Variants in AP1M1 observed in about 807,000 individuals in gnomAD.
The protein encoded by AP1M1 is AP-1 complex subunit mu-1.
A neutral mutation model predicts 57.1 loss-of-function variants in AP1M1; 18 were observed. The ratio of observed to expected loss-of-function variants is 0.32; its 90% CI spans 0.22 to 0.47. The LOEUF is 0.47. Among genes scored for constraint, AP1M1 ranks in the 20% least tolerant of loss-of-function variants. The probability of loss-of-function intolerance (pLI) is 1.00; values close to 1 mark genes in which losing one functional copy is unlikely to be tolerated. For missense variants in AP1M1, 362 were observed against 593.5 expected, an observed-to-expected ratio of 0.61 and a Z score of 4.05; for synonymous variants, 241 against 237.9, an observed-to-expected ratio of 1.01 and a Z score of -0.12.
chr19:16,234,414 TTACCAGCTCCGGACC>T lies in AP1M1; in HGVS notation c.1252_1266del (p.Tyr418_Thr422del). ...TGACGCCTCCCTCCTGTCTCCTAGA[TTACCAGCTCCGGACC>T]CAGTGAGGGGCTGTCGCAGCCAACA... On this transcript the variant is annotated inframe_deletion and splice_region_variant, in exon 12 of 12. Transcript: ENST00000291439. 1 of 1,613,882 alleles carries T rather than the reference TTACCAGCTCCGGACC, an allele frequency of 6.2e-7. No individual in the cohort carries two copies. Among genetic ancestry groups the T allele is most frequent in the Non-Finnish European group, 8.5e-7 (1 of 1,179,936 alleles).
At chr19:16,222,201 TATTATTA>T (rs757960013) in intron 5 of AP1M1, among the ~76,000 whole-genome samples, 42 of 131,364 alleles carry the variant, frequency 3.2e-4, no homozygotes, top group East Asian at 4.4e-4. Context: ...TTATTACTAT[TATTATTA>T]TTATTTTTTT....
chr19:16,215,188 C>CT (rs1308573217), intron 5 of AP1M1, among the ~76,000 whole-genome samples: 1 of 15,676 alleles, frequency 6.4e-5, no homozygotes, highest in Non-Finnish European at 1.6e-4. Context: ...CTTTGGGAGG[C>CT]TAAGGCGGGG....
chr19:16,205,188 G>C (rs1002356114), intron 2 of AP1M1, among the ~76,000 whole-genome samples: 46 of 152,188 alleles, frequency 3.0e-4, no homozygotes, highest in Admixed American at 7.9e-4. Context: ...CAGGTATTGG[G>C]AGAGGGAGAG....
chr19:16,215,190 A>AGGCTG (rs2091512489), intron 5 of AP1M1, among the ~76,000 whole-genome samples: 3 of 35,180 alleles, frequency 8.5e-5, no homozygotes, highest in African/African-American at 3.5e-4. Flanking sequence ...TTGGGAGGCT[A>AGGCTG]AGGCGGGGGC....
At chr19:16,218,249 C>G (rs556739683) in intron 5 of AP1M1, among the ~76,000 whole-genome samples, 41 of 152,360 alleles carry the variant, frequency 2.7e-4, no homozygotes, top group African/African-American at 8.7e-4. Context: ...TTTATCACCA[C>G]CAGCTCGCCC....
Position 16,206,290 on chromosome 19 carries a change from C to G in AP1M1, c.200-51C>G, listed in dbSNP as rs1209064520. On this transcript the variant is annotated intron_variant, in intron 2 of 11. Coordinates refer to ENST00000291439, the MANE Select transcript of AP1M1 (RefSeq NM_032493.4). The surrounding 1 kb of genome is among the most constrained non-coding windows in gnomAD (Gnocchi z 4.3). ...GGTCCCTCCATGAACCAGGATCTTC[C>G]AGGCAGCAGCCCCAGCCTCTGAATG... 1.3e-6 allele frequency: 2 copies of G among 1,592,218 alleles called. No individual in the cohort carries two copies. Among genetic ancestry groups the G allele is most frequent in the Non-Finnish European group, 1.7e-6 (2 of 1,160,872 alleles).
chr19:16,226,715 C>T, intron 6 of AP1M1, 168 bp downstream of exon 6: 2 of 918,002 alleles, frequency 2.2e-6, no homozygotes, highest in Non-Finnish European at 3.1e-6. Context: ...TCATCCTTCC[C>T]TGGACATAGA....
At position 16,239,744 on chromosome 19, in the gene AP1M1, C is replaced by T. The variant is rs780448260; in HGVS notation, c.*5309C>T. ...CGCTCGCAGTGAGTCAAGATGGCAC[C>T]GTTGTACTCTTGCCTGAGCGACACA... On this transcript the variant is annotated 3_prime_UTR_variant, in exon 12 of 12. Coordinates refer to ENST00000291439, the MANE Select transcript of AP1M1 (RefSeq NM_032493.4). The T allele has an allele frequency of 6.6e-6, 1 of 151,704 alleles. No homozygotes were observed. Among genetic ancestry groups the T allele is most frequent in the African/African-American group, 2.4e-5 (1 of 41,290 alleles). The allele number at this position is 151,704 out of a possible 1,614,324, so 9.4% of individuals were successfully genotyped here.
chr19:16,206,601 C>T lies in AP1M1; in HGVS notation c.267+193C>T, dbSNP rs1442040336. On this transcript the variant is annotated intron_variant, in intron 3 of 11. Coordinates refer to ENST00000291439, the MANE Select transcript of AP1M1 (RefSeq NM_032493.4). The surrounding 1 kb of genome is among the most constrained non-coding windows in gnomAD (Gnocchi z 4.3). ...GGAATTCTATAGCTCACGTTGCTCC[C>T]CTACCGTGGGGAAGAAAGGAAAGTG... The T allele has an allele frequency of 4.9e-6, 3 of 606,978 alleles. No homozygotes were observed. Among genetic ancestry groups the T allele is most frequent in the South Asian group, 3.6e-5 (2 of 55,160 alleles). 37.6% of individuals were successfully genotyped at this position (606,978 alleles called of 1,614,324 possible).
Position 16,230,111 on chromosome 19 carries a change from G to A in AP1M1, c.1047+1183G>A, listed in dbSNP as rs187752049. Among the ~76,000 whole-genome samples the A allele has an allele frequency of 8.3e-4, 126 of 152,362 alleles. 1 individual carries two copies. The highest frequency in any genetic ancestry group is 1.3e-3 in the Non-Finnish European group (87 of 68,032). ...GGAGGAAGGGACAGGGCTAAGGGCC[G>A]AGACACAGGCTGGCGTGGACTGTGC... On this transcript the variant is annotated intron_variant, in intron 9 of 11. Coordinates refer to ENST00000291439, the MANE Select transcript of AP1M1 (RefSeq NM_032493.4).
intron 2 of AP1M1, among the ~76,000 whole-genome samples, chr19:16,204,384 G>A (rs535006109): frequency 5.4e-4 from 82 of 152,276 alleles, no homozygotes; most frequent in African/African-American, 1.8e-3. Context: ...ACACTACTGC[G>A]GAAGGGCCTG....
rs898040818 is a variant in AP1M1 at position 16,241,447 on chromosome 19, A to G, written c.*7012A>G. 1 of 152,194 alleles carries G rather than the reference A, an allele frequency of 6.6e-6. No individual in the cohort carries two copies. The highest frequency in any genetic ancestry group is 2.4e-5 in the African/African-American group (1 of 41,432). 9.4% of individuals were successfully genotyped at this position (152,194 alleles called of 1,614,324 possible). ...CTTAGAAACCATTGGATCTGTCTAAACTGTCATTGACTGTGTAAAGCAATA... is the reference window on the plus strand; with the variant it reads ...CTTAGAAACCATTGGATCTGTCTAAGCTGTCATTGACTGTGTAAAGCAATA... On this transcript the variant is annotated 3_prime_UTR_variant, in exon 12 of 12. Coordinates refer to ENST00000291439, the MANE Select transcript of AP1M1 (RefSeq NM_032493.4).
chr19:16,233,829 A>C (rs993176767), intron 10 of AP1M1, among the ~76,000 whole-genome samples: 1 of 152,054 alleles, frequency 6.6e-6, no homozygotes. Context: ...TTCTGCCCCA[A>C]ACTAGCATTT....
At chr19:16,213,742 C>G (rs1016933175) in intron 5 of AP1M1, among the ~76,000 whole-genome samples, 1 of 152,184 alleles carries the variant, frequency 6.6e-6, no homozygotes, top group African/African-American at 2.4e-5. Context: ...ATCCACTCGC[C>G]TCGGCCTCCC....
intron 2 of AP1M1, among the ~76,000 whole-genome samples, chr19:16,204,004 G>A (rs1024139902): frequency 3.9e-5 from 6 of 152,294 alleles, no homozygotes; most frequent in South Asian, 2.1e-4. Flanking sequence ...GGGCGTGTAG[G>A]GCAGCGAGGC....
At chr19:16,219,658 A>G (rs1168780032) in intron 5 of AP1M1, among the ~76,000 whole-genome samples, 3 of 152,196 alleles carry the variant, frequency 2.0e-5, no homozygotes, top group Non-Finnish European at 4.4e-5. Flanking sequence ...TCAGCCTTCC[A>G]AAGTGCTGGG....
rs1330730802 is a variant in AP1M1, at chr19:16,233,447, C to A, written c.1048-46C>A. Reference sequence around the variant, plus strand: ...ACTAGGGCCAGAGCTGTTGGCTAAGCTGGGGCAGGGCCTAGGCCTGAGCGC... The same window carrying A: ...ACTAGGGCCAGAGCTGTTGGCTAAGATGGGGCAGGGCCTAGGCCTGAGCGC... On this transcript the variant is annotated intron_variant, in intron 9 of 11. Coordinates refer to ENST00000291439, the MANE Select transcript of AP1M1 (RefSeq NM_032493.4). 3 of 1,524,176 alleles carry A rather than the reference C, an allele frequency of 2.0e-6. No individual in the cohort carries two copies. In the Admixed American group the frequency reaches 6.3e-5, roughly 32 times the overall value. 94.4% of individuals were successfully genotyped at this position (1,524,176 alleles called of 1,614,324 possible).
chr19:16,200,469 C>T (rs912539114), intron 1 of AP1M1, among the ~76,000 whole-genome samples: 1 of 152,166 alleles, frequency 6.6e-6, no homozygotes, highest in Admixed American at 6.5e-5. Context: ...CCCAGAGAGG[C>T]ATGATCAGAC....
chr19:16,220,379 T>C (rs2091538877), intron 5 of AP1M1, among the ~76,000 whole-genome samples: 2 of 151,864 alleles, frequency 1.3e-5, no homozygotes, highest in Admixed American at 1.3e-4. Flanking sequence ...GCCCGGCTTT[T>C]GGGGTTTTTT....
Sources: gnomAD v4.1 joint callset for allele counts (sites outside exome capture counted in the v4.1 genomes callset) on GRCh38, gnomAD v4.1.1 for gene constraint, Gnocchi (gnomAD v3.1) non-coding constraint, MANE v1.5 for transcripts, NCBI Gene and HGNC (gene_info 2026-07-23, HGNC 2026-07-21) for gene names.